Variants in RPRD1A observed in about 807,000 individuals in gnomAD.
RPRD1A encodes regulation of nuclear pre-mRNA domain containing 1A, also known as regulation of nuclear pre-mRNA domain-containing protein 1A.
Under a neutral mutation model 37.8 loss-of-function variants are expected in RPRD1A, and 9 were observed. The observed-to-expected ratio is 0.24, with a 90% CI of 0.14 to 0.42. RPRD1A has a LOEUF of 0.42. RPRD1A is among the 10% of genes least tolerant of loss of function. The pLI is 1.00. For missense variants in RPRD1A, 255 were observed against 371.0 expected (o/e 0.69, Z 2.57); for synonymous variants, 138 against 139.7 (o/e 0.99, Z 0.08).
At chr18:36,025,555 C>T in intron 6 of RPRD1A, 2 of 947,832 alleles carry the variant, frequency 2.1e-6, no homozygotes, top group Non-Finnish European at 2.9e-6. Flanking sequence ...AATAAAGTTA[C>T]AGTCTTCTCT....
chr18:36,002,953 G>C (rs937735995), intron 6 of RPRD1A, among the ~76,000 whole-genome samples: 4 of 152,182 alleles, frequency 2.6e-5, no homozygotes, highest in Non-Finnish European at 5.9e-5. Flanking sequence ...TTAAATGGCA[G>C]AGTGGTCTTG....
At chr18:36,027,839 A>C (rs1381087166) in intron 4 of RPRD1A, 1 of 152,540 alleles carries the variant, frequency 6.6e-6, no homozygotes, top group Non-Finnish European at 1.5e-5. Flanking sequence ...GTAGTTCTAG[A>C]ATATGTTCAA....
chr18:36,023,172 C>T (rs1911127447), intron 6 of RPRD1A, among the ~76,000 whole-genome samples: 1 of 152,140 alleles, frequency 6.6e-6, no homozygotes, highest in South Asian at 2.1e-4. Context: ...TGATGAATAT[C>T]GGCAAAGTAA....
In RPRD1A at chr18:36,026,996, C is replaced by T. The variant is rs751712831; in HGVS notation, c.693G>A (p.Ala231=). The T allele has an allele frequency of 6.2e-6, 10 of 1,613,832 alleles. No homozygotes were observed. Among genetic ancestry groups the T allele is most frequent in the Admixed American group, 1.7e-5 (1 of 59,990 alleles). The change falls in exon 6 of 7, where the codon GCG becomes GCA. Residue 231 remains alanine (A), a synonymous_variant. Coordinates refer to ENST00000399022, the MANE Select transcript of RPRD1A (RefSeq NM_018170.5). ...GTTGCTTTCTATCATCTATTTCTGCCGCCAATCTGCCATTGTAATCTGCCA... is the reference window on the plus strand; with the variant it reads ...GTTGCTTTCTATCATCTATTTCTGCTGCCAATCTGCCATTGTAATCTGCCA... ...MLLADYNGRL[A]AEIDDRKQLT...
intron 1 of RPRD1A, among the ~76,000 whole-genome samples, chr18:36,059,480 T>C (rs1008472364): frequency 6.6e-6 from 1 of 152,136 alleles, no homozygotes; most frequent in Non-Finnish European, 1.5e-5. Flanking sequence ...TGAATCGATT[T>C]AGTATTATAG....
chr18:36,013,243 T>C lies in RPRD1A; in HGVS notation c.789+13657A>G, dbSNP rs530117726. ...CAAAAATCTGACAAAAAAATCTAAG[T>C]TCCCAACATTAGACAAGCAGAGTTC... On this transcript the variant is annotated intron_variant, in intron 6 of 6. Transcript: ENST00000399022. 2.0e-3 allele frequency among the ~76,000 whole-genome samples: 297 copies of C among 152,144 alleles called. 1 individual carries two copies. The highest frequency in any genetic ancestry group is 6.9e-3 in the African/African-American group (288 of 41,518).
At position 36,067,445 on chromosome 18, in the gene RPRD1A, C is replaced by G. The variant is rs756638179; in HGVS notation, c.-41G>C. 18 of 1,579,220 alleles carry G rather than the reference C, an allele frequency of 1.1e-5. No homozygotes were observed. In the Admixed American group the frequency reaches 2.5e-4, roughly 22 times the overall value. On this transcript the variant is annotated 5_prime_UTR_variant, in exon 1 of 7. Transcript: ENST00000399022. ...TTCACGCCGTCCCACGCGGTGGGGC[C>G]GAGGGGAGGAGAGTTTCGCCGCCCT...
intron 1 of RPRD1A, 93 bp downstream of exon 1, chr18:36,067,161 G>A (rs548938196): frequency 5.7e-6 from 8 of 1,395,900 alleles, no homozygotes; most frequent in African/African-American, 1.5e-5. Flanking sequence ...TCCCGACGCC[G>A]GGAAGCCGGG....
intron 1 of RPRD1A, among the ~76,000 whole-genome samples, chr18:36,055,895 A>AG (rs1913733508): frequency 6.6e-6 from 1 of 152,222 alleles, no homozygotes; most frequent in Non-Finnish European, 1.5e-5. Flanking sequence ...CCAGATACAC[A>AG]GAAAAACTTA....
In RPRD1A at chr18:36,067,363, C is replaced by G. The variant is rs902194243; in HGVS notation, c.42G>C (p.Ser14=). The G allele has an allele frequency of 1.2e-6, 2 of 1,607,924 alleles. No individual in the cohort carries two copies. The highest frequency in any genetic ancestry group is 1.7e-6 in the Non-Finnish European group (2 of 1,177,434). Residue 14 remains serine, a synonymous_variant, in exon 1 of 7, where the codon TCG becomes TCC. Coordinates refer to ENST00000399022, the MANE Select transcript of RPRD1A (RefSeq NM_018170.5). ...FSEAALEKKL[S]ELSNSQQSVQ... ...CGCTCTGCTGCGAGTTGCTCAACTCCGACAGCTTCTTCTCCAGCGCCGCCT... is the reference window on the plus strand; with the variant it reads ...CGCTCTGCTGCGAGTTGCTCAACTCGGACAGCTTCTTCTCCAGCGCCGCCT...
chr18:36,019,386 C>T (rs545762763), intron 6 of RPRD1A, among the ~76,000 whole-genome samples: 1 of 152,048 alleles, frequency 6.6e-6, no homozygotes. Context: ...GGATTACAGG[C>T]ATGAGCCACC....
At chr18:36,012,674 G>A (rs1910253563) in intron 6 of RPRD1A, among the ~76,000 whole-genome samples, 1 of 152,174 alleles carries the variant, frequency 6.6e-6, no homozygotes, top group South Asian at 2.1e-4. Flanking sequence ...AGTGACACAT[G>A]AATATATACA....
At chr18:36,010,086 A>C (rs1046868961) in intron 6 of RPRD1A, among the ~76,000 whole-genome samples, 17 of 146,566 alleles carry the variant, frequency 1.2e-4, no homozygotes, top group African/African-American at 4.7e-4. Context: ...ATGATATGTT[A>C]GTTATTTAAT....
At chr18:36,022,339 G>C (rs74517106) in intron 6 of RPRD1A, among the ~76,000 whole-genome samples, 19,206 of 152,166 alleles carry the variant, frequency 0.13, 1,291 homozygotes, top group African/African-American at 0.14. Context: ...CGTTGATGAC[G>C]GTGGCTACAC....
chr18:36,064,649 A>T (rs2088986603), intron 1 of RPRD1A, among the ~76,000 whole-genome samples: 1 of 152,120 alleles, frequency 6.6e-6, no homozygotes, highest in African/African-American at 2.4e-5. Flanking sequence ...CTCTGTCAAA[A>T]CGGACCAATC....
intron 6 of RPRD1A, among the ~76,000 whole-genome samples, chr18:36,021,823 G>C (rs1301161862): frequency 6.6e-6 from 1 of 152,108 alleles, no homozygotes; most frequent in African/African-American, 2.4e-5. Context: ...AACATAGTGA[G>C]ACCCTGTCTC....
At chr18:36,065,035 GAAGA>G (rs1187031197) in intron 1 of RPRD1A, among the ~76,000 whole-genome samples, 1 of 152,010 alleles carries the variant, frequency 6.6e-6, no homozygotes, top group Non-Finnish European at 1.5e-5. Context: ...AAACCCATCA[GAAGA>G]AAGAAACTCC....
chr18:36,018,200 T>A (rs1242531835), intron 6 of RPRD1A, among the ~76,000 whole-genome samples: 1 of 150,782 alleles, frequency 6.6e-6, no homozygotes, highest in Non-Finnish European at 1.5e-5. Flanking sequence ...TTTTATTTAT[T>A]AAAGTATCAT....
rs114758618 is a variant in RPRD1A, at chr18:36,013,042, G to A, written c.789+13858C>T. Among the ~76,000 whole-genome samples, 453 of 152,206 alleles carry A rather than the reference G, an allele frequency of 3.0e-3. 4 individuals are homozygous for A. Among genetic ancestry groups the A allele is most frequent in the African/African-American group, 0.01 (417 of 41,514 alleles). ...TACAATACCAGAATAATTGGATGGC[G>A]GGGTTGGTGTGCTGGCAAAAATAGA... On this transcript the variant is annotated intron_variant, in intron 6 of 6. Transcript: ENST00000399022.
Sources: allele counts gnomAD v4.1 joint callset (sites outside exome capture counted in the v4.1 genomes callset), GRCh38; gene constraint gnomAD v4.1.1; transcripts MANE v1.5; gene names NCBI Gene and HGNC (gene_info 2026-07-23, HGNC 2026-07-21).